Variants in GLIS1 observed in about 807,000 individuals in gnomAD.
The protein encoded by GLIS1 is GLIS family zinc finger 1.
In GLIS1, 24 loss-of-function variants were observed where a neutral mutation model predicts 63.8. The ratio of observed to expected loss-of-function variants is 0.38; its 90% CI spans 0.27 to 0.53. The LOEUF is 0.53. GLIS1 is among the 20% of genes least tolerant of loss of function. The pLI is 0.85. For missense variants in GLIS1, 1,036 were observed against 1,074.1 expected (o/e 0.96, Z 0.50); for synonymous variants, 450 against 482.5 (o/e 0.93, Z 0.88).
rs375428142 is a variant in GLIS1, at chr1:53,737,057, G to A, written c.259+749C>T. Among the ~76,000 whole-genome samples the A allele has an allele frequency of 1.1e-3, 170 of 152,250 alleles. 1 individual carries two copies. The highest frequency in any genetic ancestry group is 3.9e-3 in the African/African-American group (160 of 41,542). On this transcript the variant is annotated intron_variant, in intron 2 of 10. Transcript: ENST00000628545. ...TTCCTGGTTAATTATCTGTCAGCACGAAACTCATAAATAATGACTCAATAA... is the reference window on the plus strand; with the variant it reads ...TTCCTGGTTAATTATCTGTCAGCACAAAACTCATAAATAATGACTCAATAA...
intron 7 of GLIS1, among the ~76,000 whole-genome samples, chr1:53,518,974 C>T (rs757519390): frequency 1.6e-4 from 25 of 152,238 alleles, no homozygotes; most frequent in Non-Finnish European, 2.8e-4. Flanking sequence ...GTAAAACTGA[C>T]GGGGTAGGTA....
intron 2 of GLIS1, among the ~76,000 whole-genome samples, chr1:53,606,889 G>C (rs902509160): frequency 6.6e-6 from 1 of 152,180 alleles, no homozygotes; most frequent in Non-Finnish European, 1.5e-5. Flanking sequence ...ACGGGGACTC[G>C]GGCCAGTGAA....
chr1:53,644,604 C>T (rs1286841918), intron 2 of GLIS1, among the ~76,000 whole-genome samples: 1 of 152,134 alleles, frequency 6.6e-6, no homozygotes, highest in Admixed American at 6.6e-5. Context: ...TGGGGTAGGG[C>T]AGGGTGCTGA....
At chr1:53,523,670 T>C (rs1362602032) in intron 6 of GLIS1, among the ~76,000 whole-genome samples, 1 of 152,128 alleles carries the variant, frequency 6.6e-6, no homozygotes, top group African/African-American at 2.4e-5. Flanking sequence ...AGGTGTGAGT[T>C]AACCCAGCCA....
chr1:53,556,908 ATG>A (rs372507777), intron 4 of GLIS1, among the ~76,000 whole-genome samples: 11 of 99,402 alleles, frequency 1.1e-4, no homozygotes, highest in African/African-American at 2.2e-4. Flanking sequence ...TACTGCAGGT[ATG>A]TGTGTGTGTG....
At chr1:53,675,449 C>T (rs1244730949) in intron 2 of GLIS1, among the ~76,000 whole-genome samples, 1 of 152,208 alleles carries the variant, frequency 6.6e-6, no homozygotes, top group Non-Finnish European at 1.5e-5. Context: ...TTGGGTGGTG[C>T]CTGGCTCAGA....
chr1:53,528,289 A>G (rs1569759793), intron 5 of GLIS1, among the ~76,000 whole-genome samples: 1 of 152,122 alleles, frequency 6.6e-6, no homozygotes, highest in East Asian at 1.9e-4. Flanking sequence ...CTTCCTTGCC[A>G]CCCTCACCCC....
At chr1:53,709,407 T>TACACAC (rs1244921840) in intron 2 of GLIS1, among the ~76,000 whole-genome samples, 54 of 32,536 alleles carry the variant, frequency 1.7e-3, no homozygotes, top group African/African-American at 6.2e-3. Context: ...TATACATATA[T>TACACAC]ATATACACAC....
intron 4 of GLIS1, among the ~76,000 whole-genome samples, chr1:53,543,167 C>T (rs953805782): frequency 1.4e-4 from 22 of 152,156 alleles, no homozygotes; most frequent in African/African-American, 5.1e-4. Context: ...TTCTCTTTCT[C>T]ACTCCAGTTT....
intron 2 of GLIS1, chr1:53,734,198 C>T (rs1646891641): frequency 2.7e-5 from 27 of 985,028 alleles, no homozygotes; most frequent in Non-Finnish European, 3.1e-5. Flanking sequence ...AGTCTCAGTA[C>T]ACAGTGAAAG....
chr1:53,707,671 AC>A (rs1211654154), intron 2 of GLIS1, among the ~76,000 whole-genome samples: 1 of 151,446 alleles, frequency 6.6e-6, no homozygotes, highest in Non-Finnish European at 1.5e-5. Flanking sequence ...AGAAATCAAA[AC>A]CATTTATTGA....
chr1:53,626,480 G>A (rs150817027), intron 2 of GLIS1, among the ~76,000 whole-genome samples: 5 of 152,316 alleles, frequency 3.3e-5, no homozygotes, highest in East Asian at 1.9e-4. Flanking sequence ...TGAGCTGGCC[G>A]TGGAGGCCCT....
chr1:53,513,086 T>G (rs1275997460), intron 8 of GLIS1, among the ~76,000 whole-genome samples: 3 of 152,078 alleles, frequency 2.0e-5, no homozygotes, highest in African/African-American at 7.2e-5. Context: ...CTCTTCATGG[T>G]TCTCTGCTCA....
chr1:53,724,167 G>T (rs955935469), intron 2 of GLIS1, among the ~76,000 whole-genome samples: 1 of 152,206 alleles, frequency 6.6e-6, no homozygotes, highest in Non-Finnish European at 1.5e-5. Context: ...ATGGCCATCT[G>T]CCCACCCTCT....
intron 2 of GLIS1, among the ~76,000 whole-genome samples, chr1:53,644,501 A>G (rs1645821347): frequency 6.6e-6 from 1 of 152,242 alleles, no homozygotes. Flanking sequence ...TGACTCATAA[A>G]TAACAAACAT....
At chr1:53,578,639 C>G (rs996296046) in intron 4 of GLIS1, among the ~76,000 whole-genome samples, 7 of 152,162 alleles carry the variant, frequency 4.6e-5, no homozygotes, top group African/African-American at 1.7e-4. Context: ...CTTTGGCTAC[C>G]AGGAAGCTCC....
At chr1:53,667,426 C>T (rs961429402) in intron 2 of GLIS1, among the ~76,000 whole-genome samples, 1 of 152,232 alleles carries the variant, frequency 6.6e-6, no homozygotes, top group Admixed American at 6.5e-5. Flanking sequence ...GGCAGTGCAT[C>T]CCCAAGGTCA....
At chr1:53,553,360 C>T (rs1644781605) in intron 4 of GLIS1, among the ~76,000 whole-genome samples, 1 of 152,134 alleles carries the variant, frequency 6.6e-6, no homozygotes, top group Admixed American at 6.5e-5. Flanking sequence ...TTTACCTATT[C>T]TCCATTCATC....
intron 5 of GLIS1, among the ~76,000 whole-genome samples, 170 bp from the exon 6 acceptor site, chr1:53,525,057 C>T (rs537686537): frequency 1.5e-3 from 224 of 152,262 alleles, no homozygotes; most frequent in South Asian, 2.9e-3. Flanking sequence ...GGCCTGGGAG[C>T]GGAGCAAGGG....
Sources: gnomAD v4.1 joint callset for allele counts (sites outside exome capture counted in the v4.1 genomes callset) on GRCh38, gnomAD v4.1.1 for gene constraint, MANE v1.5 for transcripts, NCBI Gene and HGNC (gene_info 2026-07-23, HGNC 2026-07-21) for gene names.